Variants in KAT7 observed in about 807,000 individuals in gnomAD.
The protein encoded by KAT7 is lysine acetyltransferase 7.
In KAT7, 10 loss-of-function variants were observed where a neutral mutation model predicts 82.1. The observed-to-expected ratio is 0.12, with a 90% confidence interval of 0.08 to 0.21. The LOEUF is 0.21. KAT7 is among the 10% of genes least tolerant of loss of function. KAT7 has a pLI of 1.00. For missense variants in KAT7, 378 were observed against 760.9 expected, an observed-to-expected ratio of 0.50 and a Z score of 5.92; for synonymous variants, 250 against 262.5, an observed-to-expected ratio of 0.95 and a Z score of 0.46.
chr17:49,827,589 G>A lies in KAT7; in HGVS notation c.*87G>A. The A allele has an allele frequency of 1.2e-6, 1 of 821,522 alleles. No individual in the cohort carries two copies. Among genetic ancestry groups the A allele is most frequent in the East Asian group, 2.5e-5 (1 of 39,238 alleles). The allele number at this position is 821,522 out of a possible 1,614,324, so 50.9% of individuals were successfully genotyped here. On this transcript the variant is annotated 3_prime_UTR_variant, in exon 15 of 15. Coordinates refer to ENST00000259021, the MANE Select transcript of KAT7 (RefSeq NM_007067.5). ...TCTGTCATTTCTCTGTTGCTCTTGT[G>A]ATTGGCAAGTACAGTATCCTTTGGG...
chr17:49,806,848 G>A (rs2074097739), intron 5 of KAT7, among the ~76,000 whole-genome samples: 1 of 152,136 alleles, frequency 6.6e-6, no homozygotes, highest in Admixed American at 6.5e-5. Flanking sequence ...CTTTGCAAGG[G>A]GCATTAGGCG....
At chr17:49,791,523 T>G (rs1430080478) in intron 1 of KAT7, among the ~76,000 whole-genome samples, 1 of 152,148 alleles carries the variant, frequency 6.6e-6, no homozygotes, top group African/African-American at 2.4e-5. Context: ...CTGGGCATGG[T>G]GGCGGGCGCC....
intron 4 of KAT7, among the ~76,000 whole-genome samples, 186 bp from the exon 5 acceptor site, chr17:49,805,177 C>T (rs982933734): frequency 2.6e-5 from 4 of 152,146 alleles, no homozygotes; most frequent in Non-Finnish European, 5.9e-5. Flanking sequence ...CTGCCAGATC[C>T]ATCCTGTGGA....
intron 6 of KAT7, among the ~76,000 whole-genome samples, chr17:49,810,230 C>T (rs2074144972): frequency 2.0e-5 from 3 of 152,058 alleles, no homozygotes; most frequent in Admixed American, 6.6e-5. Flanking sequence ...CACTTTTCTT[C>T]GTTGTCTATC....
At chr17:49,821,879 A>G in intron 11 of KAT7, 89 bp downstream of exon 11, 1 of 1,210,414 alleles carries the variant, frequency 8.3e-7, no homozygotes, top group South Asian at 1.3e-5. Context: ...GACAGGAAGA[A>G]GCTGTACTCT....
Position 49,796,853 on chromosome 17 carries a change from G to A in KAT7, c.267G>A (p.Pro89=), listed in dbSNP as rs914831769. ...AGCAGCAGCCTACCCCAGTGACACC[G>A]AAAAAATACCCTCTTCGGCAGACTC... is the stretch of plus-strand genomic sequence containing the variant. ...RSQQQPTPVT[P]KKYPLRQTRS... is the part of the protein sequence containing the mutation. Residue 89 remains proline (P), a synonymous_variant, in exon 3 of 15, where the codon CCG becomes CCA. Coordinates refer to ENST00000259021, the MANE Select transcript of KAT7 (RefSeq NM_007067.5). 4.3e-6 allele frequency: 7 copies of A among 1,613,946 alleles called. No individual in the cohort carries two copies. In the African/African-American group the frequency reaches 5.3e-5, roughly 12 times the overall value.
intron 4 of KAT7, among the ~76,000 whole-genome samples, chr17:49,800,010 CTTTTTTTTTTT>C (rs10694119): frequency 2.0e-5 from 2 of 98,430 alleles, no homozygotes; most frequent in Admixed American, 2.6e-4. Context: ...GTTTCCTGGC[CTTTTTTTTTTT>C]TTTTTTTTGA....
chr17:49,818,566 G>A (rs546562735), intron 9 of KAT7, among the ~76,000 whole-genome samples: 78 of 152,040 alleles, frequency 5.1e-4, no homozygotes, highest in Admixed American at 1.2e-3. Flanking sequence ...AGTTGAATCT[G>A]TTATTGTTGA....
intron 2 of KAT7, among the ~76,000 whole-genome samples, chr17:49,794,687 A>G (rs753637805): frequency 6.6e-6 from 1 of 152,260 alleles, no homozygotes; most frequent in Non-Finnish European, 1.5e-5. Context: ...AGGAAAAGAC[A>G]TAATGTTTGT....
rs192006561 is a variant in KAT7, at chr17:49,826,874, G to A, written c.1734+75G>A. 74 of 939,954 alleles carry A rather than the reference G, an allele frequency of 7.9e-5. No individual in the cohort carries two copies. The Admixed American group carries it at 8.7e-4, about 11-fold the overall frequency. 58.2% of individuals were successfully genotyped at this position (939,954 alleles called of 1,614,324 possible). On this transcript the variant is annotated intron_variant, in intron 14 of 14. Coordinates refer to ENST00000259021, the MANE Select transcript of KAT7 (RefSeq NM_007067.5). ...TAGCAGAGCAAAGTATGGGCCTTAA[G>A]ACTGGAGAACCTTCCCTTAAAGGAG...
At chr17:49,824,262 CTGTG>C in intron 12 of KAT7, among the ~76,000 whole-genome samples, 1 of 152,294 alleles carries the variant, frequency 6.6e-6, no homozygotes, top group East Asian at 1.9e-4. Context: ...CAAGACTCTA[CTGTG>C]TGTTATTCTA....
rs374616142 is a variant in KAT7, at chr17:49,811,529, G to A, written c.807G>A (p.Lys269=). 6 of 1,553,752 alleles carry A rather than the reference G, an allele frequency of 3.9e-6. No individual in the cohort carries two copies. In the African/African-American group the frequency reaches 8.4e-5, roughly 22 times the overall value. Residue 269 remains lysine, a synonymous_variant, in exon 7 of 15, where the codon AAG becomes AAA. Transcript: ENST00000259021. The part of the protein sequence containing the change: ...RYKEKVAELR[K]KRNSGLSKEQ... The stretch of plus-strand genomic sequence containing the variant: ...AGGAAAAAGTGGCTGAACTCAGGAA[G>A]AAAAGAAATTCTGGACTGAGCAAAG...
At chr17:49,820,254 A>C (rs1444592889) in intron 9 of KAT7, among the ~76,000 whole-genome samples, 4 of 151,634 alleles carry the variant, frequency 2.6e-5, no homozygotes, top group Middle Eastern at 3.4e-3. Flanking sequence ...AAAAAAAAAA[A>C]CTTTTTTTTA....
intron 1 of KAT7, chr17:49,790,039 C>G (rs73335301): frequency 1.3e-5 from 2 of 152,130 alleles, no homozygotes; most frequent in African/African-American, 4.8e-5. Flanking sequence ...TTGCTCATTT[C>G]CTGGCAGGTT....
rs540376933 is a variant in KAT7 at position 49,831,006 on chromosome 17, A to T, written c.*3504A>T. 1 of 152,202 alleles carries T rather than the reference A, an allele frequency of 6.6e-6. No homozygotes were observed. The highest frequency in any genetic ancestry group is 1.5e-5 in the Non-Finnish European group (1 of 68,042). The allele number at this position is 152,202 out of a possible 1,614,324, so 9.4% of individuals were successfully genotyped here. ...AGGACTGATTTTTAAGCCAGCTGTG[A>T]TAGCTCTGTAATAGTCTGTAATCTC... On this transcript the variant is annotated 3_prime_UTR_variant, in exon 15 of 15. Coordinates refer to ENST00000259021, the MANE Select transcript of KAT7 (RefSeq NM_007067.5).
At position 49,793,573 on chromosome 17, in the gene KAT7, A is replaced by ATTT. The variant is rs542617795; in HGVS notation, c.163+1558_163+1560dup. Among the ~76,000 whole-genome samples the ATTT allele has an allele frequency of 9.5e-5, 13 of 136,310 alleles. No homozygotes were observed. The South Asian group carries it at 2.1e-3, about 22-fold the overall frequency. 89.4% of individuals were successfully genotyped at this position (136,310 alleles called of 152,430 possible). A position where few individuals can be genotyped will look rare whatever the true frequency, so the allele number is the denominator to read the frequency against. ...CACTTCAACAGTGTTGCTTTGGTTAATTTTTTTTTTTTTTTTTTTTGAGAT... is the reference window on the plus strand; with the variant it reads ...CACTTCAACAGTGTTGCTTTGGTTAATTTTTTTTTTTTTTTTTTTTTTTGAGAT... On this transcript the variant is annotated intron_variant, in intron 2 of 14. Coordinates refer to ENST00000259021, the MANE Select transcript of KAT7 (RefSeq NM_007067.5).
chr17:49,821,856 G>A lies in KAT7; in HGVS notation c.1386+66G>A, dbSNP rs888057462. 8.3e-6 allele frequency: 12 copies of A among 1,454,486 alleles called. No homozygotes were observed. In the African/African-American group the frequency reaches 1.7e-4, roughly 20 times the overall value. 90.1% of individuals were successfully genotyped at this position (1,454,486 alleles called of 1,614,324 possible). On this transcript the variant is annotated intron_variant, in intron 11 of 14. Transcript: ENST00000259021. ...AGGGTGATCCATGTTCGCAGTTGGGGGCTCAAATCACTGACAGGAAGAAGC... is the reference window on the plus strand; with the variant it reads ...AGGGTGATCCATGTTCGCAGTTGGGAGCTCAAATCACTGACAGGAAGAAGC...
In KAT7 at chr17:49,811,469, C is replaced by G; in HGVS notation, c.754-7C>G. On this transcript the variant is annotated splice_region_variant and splice_polypyrimidine_tract_variant and intron_variant, in intron 6 of 14. Coordinates refer to ENST00000259021, the MANE Select transcript of KAT7 (RefSeq NM_007067.5). ...TTTTCTCTCAGTTTTCTCCTTTTTCCTTTTAGGCACCAACGGAGAGACAGC... is the reference window on the plus strand; with the variant it reads ...TTTTCTCTCAGTTTTCTCCTTTTTCGTTTTAGGCACCAACGGAGAGACAGC... The G allele has an allele frequency of 7.0e-7, 1 of 1,423,656 alleles. No individual in the cohort carries two copies. The highest frequency in any genetic ancestry group is 9.6e-7 in the Non-Finnish European group (1 of 1,047,076). The allele number at this position is 1,423,656 out of a possible 1,614,324, so 88.2% of individuals were successfully genotyped here. A position where few individuals can be genotyped will look rare whatever the true frequency, so the allele number is the denominator to read the frequency against.
Position 49,827,456 on chromosome 17 carries a change from C to A in KAT7, c.1790C>A (p.Thr597Asn). 1 of 1,613,812 alleles carries A rather than the reference C, an allele frequency of 6.2e-7. No homozygotes were observed. Among genetic ancestry groups the A allele is most frequent in the Non-Finnish European group, 8.5e-7 (1 of 1,179,772 alleles). ...KEAKRSNSNK[T>N]MDPSCLKWTP... ...GCCAAAAGGTCCAACTCCAATAAAA[C>A]CATGGATCCCAGCTGCTTAAAATGG... Residue 597 changes from threonine (T) to asparagine (N), a missense_variant, in exon 15 of 15, where the codon ACC becomes AAC. Thr to Asn is a moderately conservative substitution (Grantham distance 65). This residue lies in a region of KAT7 where 44 missense variants were observed against 102.2 expected (regional missense o/e 0.43). Coordinates refer to ENST00000259021, the MANE Select transcript of KAT7 (RefSeq NM_007067.5).
Sources: allele counts gnomAD v4.1 joint callset (sites outside exome capture counted in the v4.1 genomes callset), GRCh38; gene constraint gnomAD v4.1.1; regional missense constraint gnomAD v4.1.1; transcripts MANE v1.5; gene names NCBI Gene and HGNC (gene_info 2026-07-23, HGNC 2026-07-21).